Variants in FKBP1B observed in about 807,000 individuals in gnomAD.
The protein encoded by FKBP1B is peptidyl-prolyl cis-trans isomerase FKBP1B.
FKBP1B carries 4 observed loss-of-function variants against 13.5 expected under a neutral mutation model. The observed-to-expected ratio is 0.30, with a 90% CI of 0.15 to 0.68. FKBP1B has a LOEUF of 0.68. Among genes scored for constraint, FKBP1B ranks in the 30% least tolerant of loss-of-function variants. The probability of loss-of-function intolerance (pLI) is 0.76; values close to 1 mark genes in which losing one functional copy is unlikely to be tolerated. For synonymous variants in FKBP1B, 54 were observed against 53.6 expected (o/e 1.01, Z -0.03); for missense variants, 93 against 136.2 (o/e 0.68, Z 1.58).
the FKBP1B span, chr2:24,033,209 A>G: frequency 3.6e-6 from 2 of 555,630 alleles, no homozygotes; most frequent in Non-Finnish European, 7.1e-6. Flanking sequence ...AATACAACTA[A>G]TAACACTAAA....
chr2:24,062,931 G>A (rs947801951), intron 3 of FKBP1B, 133 bp from the exon 4 acceptor site: 14 of 1,346,832 alleles, frequency 1.0e-5, no homozygotes, highest in African/African-American at 1.0e-4. Flanking sequence ...TGTATCCCAT[G>A]TAAAATTCAT....
In FKBP1B at chr2:24,063,464, ACACAGATCTCTTGT is replaced by A; in HGVS notation, c.*273_*286del. 1 of 357,238 alleles carries A rather than the reference ACACAGATCTCTTGT, an allele frequency of 2.8e-6. No individual in the cohort carries two copies. Among genetic ancestry groups the A allele is most frequent in the Non-Finnish European group, 5.0e-6 (1 of 199,398 alleles). 22.1% of individuals were successfully genotyped at this position (357,238 alleles called of 1,614,324 possible). ...TGTAGTAGCCTTTCCTGATGACAGA[ACACAGATCTCTTGT>A]TCGCACAATCTACACTGCCTTACCT... On this transcript the variant is annotated 3_prime_UTR_variant, in exon 4 of 4. Transcript: ENST00000380986.
At chr2:24,055,411 T>C (rs535278259) in intron 2 of FKBP1B, among the ~76,000 whole-genome samples, 1 of 152,194 alleles carries the variant, frequency 6.6e-6, no homozygotes, top group African/African-American at 2.4e-5. Context: ...GGTCTCACTA[T>C]GTTGCCCGGG....
At chr2:24,038,351 A>G in the FKBP1B span, 1 of 1,614,194 alleles carries the variant, frequency 6.2e-7, no homozygotes, top group Middle Eastern at 1.6e-4. Flanking sequence ...GTGTTCTCTA[A>G]TCGAATTTGC....
chr2:24,059,374 G>A (rs898596066), intron 2 of FKBP1B, among the ~76,000 whole-genome samples: 1 of 146,036 alleles, frequency 6.8e-6, no homozygotes, highest in South Asian at 2.1e-4. Flanking sequence ...CCAGCACCTG[G>A]GGGGGGGTTC....
At chr2:24,047,578 G>A (rs1663668876), upstream of FKBP1B, among the ~76,000 whole-genome samples, 1 of 152,044 alleles carries the variant, frequency 6.6e-6, no homozygotes, top group Admixed American at 6.6e-5. Flanking sequence ...TCTGCCGCAC[G>A]GATCGCTGGG....
In FKBP1B at chr2:24,050,735, A is replaced by G. The variant is rs940836438; in HGVS notation, c.37+849A>G. 1.3e-5 allele frequency among the ~76,000 whole-genome samples: 2 copies of G among 152,240 alleles called. No homozygotes were observed. Among genetic ancestry groups the G allele is most frequent in the African/African-American group, 4.8e-5 (2 of 41,462 alleles). On this transcript the variant is annotated intron_variant, in intron 1 of 3. Transcript: ENST00000380986. The surrounding 1 kb of genome is among the most constrained non-coding windows in gnomAD (Gnocchi z 5.8). ...TAATACCAAAGCCCCCATTGTCTGC[A>G]GGGTTTGATGGGCAAACTTCATATC...
In FKBP1B at chr2:24,053,039, A is replaced by G. The variant is rs1243896520; in HGVS notation, c.38-863A>G. On this transcript the variant is annotated intron_variant, in intron 1 of 3. Transcript: ENST00000380986. Reference sequence around the variant, plus strand: ...TCTTGTTTGTAGTGTTCACTGCTGTATCCCTGTGATCAGGCACAGGCTTGG... The same window carrying G: ...TCTTGTTTGTAGTGTTCACTGCTGTGTCCCTGTGATCAGGCACAGGCTTGG... Among the ~76,000 whole-genome samples the G allele has an allele frequency of 6.6e-5, 10 of 151,814 alleles. No individual in the cohort carries two copies. The East Asian group carries it at 1.9e-3, about 29-fold the overall frequency.
At chr2:24,040,805 T>C in the FKBP1B span, among the ~76,000 whole-genome samples, 6 of 152,008 alleles carry the variant, frequency 3.9e-5, no homozygotes, top group Non-Finnish European at 8.8e-5. Context: ...TCACCTGAGG[T>C]TGGGAGTTCG....
chr2:24,037,322 A>G, the FKBP1B span, among the ~76,000 whole-genome samples: 1 of 152,264 alleles, frequency 6.6e-6, no homozygotes, highest in Non-Finnish European at 1.5e-5. Context: ...GGAGCCCAGC[A>G]ACATAACCTT....
the FKBP1B span, chr2:24,037,857 C>G: frequency 6.2e-7 from 1 of 1,614,004 alleles, no homozygotes; most frequent in Non-Finnish European, 8.5e-7. Context: ...TTTGTAAGTT[C>G]TTTCTTTGAG....
At chr2:24,037,608 G>T in the FKBP1B span, 1 of 1,442,854 alleles carries the variant, frequency 6.9e-7, no homozygotes, top group South Asian at 1.4e-5. Context: ...TCATCAATAC[G>T]TTTCTTGCAG....
chr2:24,050,559 G>A lies in FKBP1B; in HGVS notation c.37+673G>A, dbSNP rs560866952. On this transcript the variant is annotated intron_variant, in intron 1 of 3. Coordinates refer to ENST00000380986, the MANE Select transcript of FKBP1B (RefSeq NM_004116.5). The surrounding 1 kb of genome is among the most constrained non-coding windows in gnomAD (Gnocchi z 5.8). ...CCTGGACGTCCCAGGGTGCTCCCTG[G>A]TCAGCAAGTCCAAAACAGAACTCTC... is the stretch of plus-strand genomic sequence containing the variant. 4.6e-5 allele frequency among the ~76,000 whole-genome samples: 7 copies of A among 152,156 alleles called. No individual in the cohort carries two copies. Among genetic ancestry groups the A allele is most frequent in the Non-Finnish European group, 8.8e-5 (6 of 68,012 alleles).
At chr2:24,039,365 C>A in the FKBP1B span, 1 of 1,614,260 alleles carries the variant, frequency 6.2e-7, no homozygotes, top group Non-Finnish European at 8.5e-7. Flanking sequence ...TTGACCTCTC[C>A]ACTGTGAAGC....
rs1470227538 is a variant in FKBP1B at position 24,050,106 on chromosome 2, A to T, written c.37+220A>T. On this transcript the variant is annotated intron_variant, in intron 1 of 3. Transcript: ENST00000380986. This position sits in a 1 kb window ranked among gnomAD's most constrained non-coding sequence, Gnocchi z 5.8. The stretch of plus-strand genomic sequence containing the variant: ...TAGGGGAATGTAGGCGGCAGCTCGG[A>T]GGCGGGGGTCTGCGGCCCGGAGGCG... 6.6e-6 allele frequency among the ~76,000 whole-genome samples: 1 copy of T among 150,428 alleles called. No individual in the cohort carries two copies. The highest frequency in any genetic ancestry group is 1.5e-5 in the Non-Finnish European group (1 of 67,586).
intron 2 of FKBP1B, among the ~76,000 whole-genome samples, chr2:24,060,211 T>A (rs576448800): frequency 6.6e-6 from 1 of 152,268 alleles, no homozygotes; most frequent in South Asian, 2.1e-4. Context: ...AGGAGGTTGT[T>A]CCTGTGTACA....
chr2:24,053,816 T>TG, intron 1 of FKBP1B, 86 bp from the exon 2 acceptor site: 1 of 1,301,354 alleles, frequency 7.7e-7, no homozygotes, highest in Non-Finnish European at 1.1e-6. Context: ...GAATGCAGGC[T>TG]GGAGCTCTTG....
chr2:24,049,767 A>T lies in FKBP1B; in HGVS notation c.-83A>T. 1 of 1,164,954 alleles carries T rather than the reference A, an allele frequency of 8.6e-7. No individual in the cohort carries two copies. Among genetic ancestry groups the T allele is most frequent in the Admixed American group, 4.1e-5 (1 of 24,358 alleles). 72.2% of individuals were successfully genotyped at this position (1,164,954 alleles called of 1,614,324 possible). ...CAGTGGCGGCGAGGAGGCGAGCCGG[A>T]GCGACGGCGGGGCTGGGGCCGGAGC... is the stretch of plus-strand genomic sequence containing the variant. On this transcript the variant is annotated 5_prime_UTR_variant, in exon 1 of 4. Coordinates refer to ENST00000380986, the MANE Select transcript of FKBP1B (RefSeq NM_004116.5).
intron 3 of FKBP1B, among the ~76,000 whole-genome samples, chr2:24,061,653 A>G (rs1382767064): frequency 6.6e-6 from 1 of 152,188 alleles, no homozygotes; most frequent in Non-Finnish European, 1.5e-5. Flanking sequence ...TTGCATAACC[A>G]TAGTACAATT....
Sources: allele counts gnomAD v4.1 joint callset (sites outside exome capture counted in the v4.1 genomes callset), GRCh38; gene constraint gnomAD v4.1.1; non-coding constraint Gnocchi (gnomAD v3.1); transcripts MANE v1.5; gene names NCBI Gene and HGNC (gene_info 2026-07-23, HGNC 2026-07-21).